The following ZNF723 variants were observed in gnomAD, a reference collection of about 807,000 sequenced individuals.
ZNF723 encodes zinc finger protein 723, pseudogene.
ZNF723 carries 5 observed loss-of-function variants against 9.4 expected under a neutral mutation model. The observed-to-expected ratio is 0.53, with a 90% CI of 0.28 to 1.12. ZNF723 has a LOEUF of 1.12. Ranked by LOEUF, ZNF723 falls within the 50% of genes most tolerant of loss-of-function variation. ZNF723 has a pLI of 0.10. For missense variants in ZNF723, 450 were observed against 501.5 expected (o/e 0.90, Z 0.98); for synonymous variants, 158 against 168.8 (o/e 0.94, Z 0.49).
chr19:22,823,275 G>A, the ZNF723 span, among the ~76,000 whole-genome samples: 7 of 152,258 alleles, frequency 4.6e-5, no homozygotes, highest in South Asian at 1.2e-3. Flanking sequence ...TGGTATGCAC[G>A]CCCAGTTCAC....
the ZNF723 span, among the ~76,000 whole-genome samples, chr19:22,823,990 A>G: frequency 6.6e-6 from 1 of 152,218 alleles, no homozygotes; most frequent in East Asian, 1.9e-4. Context: ...TCACCCTCAG[A>G]AGAACTTATG....
chr19:22,817,545 T>A, the ZNF723 span, among the ~76,000 whole-genome samples: 1 of 152,168 alleles, frequency 6.6e-6, no homozygotes, highest in Non-Finnish European at 1.5e-5. Context: ...GACATATTGC[T>A]GGGCCCAGCA....
intron 3 of ZNF723, among the ~76,000 whole-genome samples, chr19:22,851,629 G>A (rs1169696589): frequency 2.0e-5 from 3 of 152,106 alleles, no homozygotes; most frequent in African/African-American, 7.2e-5. Context: ...GCCTCCTAAT[G>A]CTATCGGATT....
At chr19:22,856,161 A>T (rs958256484) in intron 3 of ZNF723, among the ~76,000 whole-genome samples, 3 of 152,074 alleles carry the variant, frequency 2.0e-5, no homozygotes, top group African/African-American at 7.2e-5. Flanking sequence ...AGGTTTCACC[A>T]TGTTAGCCAG....
At chr19:22,828,472 G>C (rs746880020), upstream of ZNF723, among the ~76,000 whole-genome samples, 15 of 152,152 alleles carry the variant, frequency 9.9e-5, no homozygotes, top group South Asian at 2.1e-4. Context: ...GGCCAACAAG[G>C]TGAAACCCCA....
intron 1 of ZNF723, among the ~76,000 whole-genome samples, chr19:22,836,779 G>A (rs1223150032): frequency 4.6e-5 from 7 of 152,152 alleles, no homozygotes. Flanking sequence ...GGCTGTGATA[G>A]GTAAGCACAA....
chr19:22,847,273 A>C (rs1967326835), intron 1 of ZNF723, among the ~76,000 whole-genome samples: 1 of 150,904 alleles, frequency 6.6e-6, no homozygotes, highest in African/African-American at 2.4e-5. Flanking sequence ...TTTTTAATTA[A>C]GTATCTTTAT....
chr19:22,843,923 GA>G (rs1223472612), intron 1 of ZNF723, among the ~76,000 whole-genome samples: 1 of 152,132 alleles, frequency 6.6e-6, no homozygotes, highest in Non-Finnish European at 1.5e-5. Flanking sequence ...GCAAGTTTAG[GA>G]AAGCAGAACT....
At position 22,857,651 on chromosome 19, in the gene ZNF723, G is replaced by T. The variant is rs1967500145; in HGVS notation, c.760G>T (p.Glu254Ter). ...TAATCATAAGAGAATTCATACTGGA[G>T]AGAAACCCTACAAATGTGAAGAATG... ...LNNHKRIHTG[E>*]KPYKCEECGK... Residue 254 changes from glutamate (E) to a stop codon, truncating the protein, a stop_gained, in exon 4 of 4, where the codon GAG (glutamate) becomes TAG (stop). Transcript: ENST00000600766. LOFTEE classifies it low-confidence loss of function (END_TRUNC). 1 of 1,270,094 alleles carries T rather than the reference G, an allele frequency of 7.9e-7. No individual in the cohort carries two copies. The highest frequency in any genetic ancestry group is 1.2e-6 in the Non-Finnish European group (1 of 867,304). 78.7% of individuals were successfully genotyped at this position (1,270,094 alleles called of 1,614,324 possible). A position where few individuals can be genotyped will look rare whatever the true frequency, so the allele number is the denominator to read the frequency against.
the ZNF723 span, among the ~76,000 whole-genome samples, chr19:22,816,973 T>G: frequency 6.6e-6 from 1 of 152,238 alleles, no homozygotes; most frequent in Non-Finnish European, 1.5e-5. Context: ...AGCACCTAGG[T>G]GATGCGGCTA....
intron 2 of ZNF723, among the ~76,000 whole-genome samples, chr19:22,848,739 T>G (rs972170140): frequency 5.4e-5 from 8 of 148,864 alleles, no homozygotes; most frequent in African/African-American, 2.0e-4. Flanking sequence ...TTTTATTTAT[T>G]TATTTATTTA....
At chr19:22,828,927 C>G (rs1305978153), upstream of ZNF723, among the ~76,000 whole-genome samples, 4 of 152,100 alleles carry the variant, frequency 2.6e-5, no homozygotes, top group Non-Finnish European at 4.4e-5. Flanking sequence ...AATACTAACA[C>G]TTTGGGAGGC....
chr19:22,853,674 A>C (rs1296804079), intron 3 of ZNF723, among the ~76,000 whole-genome samples: 2 of 152,138 alleles, frequency 1.3e-5, no homozygotes, highest in Non-Finnish European at 2.9e-5. Flanking sequence ...CCCAGGCTGG[A>C]GTGCAATGGC....
chr19:22,817,233 G>C, the ZNF723 span, among the ~76,000 whole-genome samples: 8 of 152,126 alleles, frequency 5.3e-5, no homozygotes, highest in Admixed American at 5.2e-4. Context: ...TGCCTAATTT[G>C]AGAATTGTGA....
At chr19:22,821,094 A>G in the ZNF723 span, among the ~76,000 whole-genome samples, 1 of 152,220 alleles carries the variant, frequency 6.6e-6, no homozygotes, top group African/African-American at 2.4e-5. Context: ...TTGTGTCTTC[A>G]CGCAGGAATA....
intron 3 of ZNF723, among the ~76,000 whole-genome samples, chr19:22,851,993 T>A (rs1967403506): frequency 6.6e-6 from 1 of 152,120 alleles, no homozygotes; most frequent in Admixed American, 6.5e-5. Context: ...TTCTGCATGT[T>A]GGTCAGACTG....
chr19:22,855,418 G>T (rs1967463580), intron 3 of ZNF723, among the ~76,000 whole-genome samples: 1 of 151,904 alleles, frequency 6.6e-6, no homozygotes, highest in South Asian at 2.1e-4. Context: ...TAGTGGAGAT[G>T]GGGTTTTGCC....
intron 1 of ZNF723, among the ~76,000 whole-genome samples, chr19:22,837,777 C>T (rs1237561063): frequency 6.6e-6 from 1 of 152,178 alleles, no homozygotes; most frequent in Non-Finnish European, 1.5e-5. Flanking sequence ...AGGCACCACC[C>T]TCAAAAATTT....
chr19:22,828,426 G>T (rs567258953), upstream of ZNF723, among the ~76,000 whole-genome samples: 2 of 152,054 alleles, frequency 1.3e-5, no homozygotes, highest in Admixed American at 6.6e-5. Flanking sequence ...ACGCCGGGGC[G>T]GGCAGATCAC....
Sources: gnomAD v4.1 joint callset for allele counts (sites outside exome capture counted in the v4.1 genomes callset) on GRCh38, gnomAD v4.1.1 for gene constraint, MANE v1.5 for transcripts, NCBI Gene and HGNC (gene_info 2026-07-23, HGNC 2026-07-21) for gene names.